The following RUFY3 variants were observed in gnomAD, a reference collection of about 807,000 sequenced individuals.
RUFY3 encodes the protein RUN and FYVE domain containing 3.
In RUFY3, 34 loss-of-function variants were observed where a neutral mutation model predicts 84.0. The ratio of observed to expected loss-of-function variants is 0.40; its 90% CI spans 0.31 to 0.54. RUFY3 has a LOEUF of 0.54. RUFY3 is among the 20% of genes least tolerant of loss of function. The probability of loss-of-function intolerance (pLI) is 0.39; values close to 1 mark genes in which losing one functional copy is unlikely to be tolerated. For synonymous variants in RUFY3, 242 were observed against 252.9 expected, an observed-to-expected ratio of 0.96 and a Z score of 0.41; for missense variants, 507 against 736.8, an observed-to-expected ratio of 0.69 and a Z score of 3.61.
At chr4:70,705,116 G>C (rs1053656747) in exon 1 of RUFY3, 1 of 1,428,870 alleles carries the variant, frequency 7.0e-7, no homozygotes, top group Admixed American at 2.7e-5. Context: ...CCGACTCGCC[G>C]GTGGCCGCCC....
At chr4:70,712,611 A>G (rs1022722780) in intron 1 of RUFY3, among the ~76,000 whole-genome samples, 2 of 152,234 alleles carry the variant, frequency 1.3e-5, no homozygotes, top group Non-Finnish European at 2.9e-5. Context: ...GATTTTATCA[A>G]GAAGCTAAGA....
rs1195815799 is a variant in RUFY3 at position 70,807,974 on chromosome 4, T to C, written c.*1315T>C. ...GGGGGATTGGTTCCAGGAACCCAAC[T>C]TGATATCAGAATCCATGGGTGCTCA... is the stretch of plus-strand genomic sequence containing the variant. On this transcript the variant is annotated 3_prime_UTR_variant, in exon 18 of 18. Transcript: ENST00000381006. Among the ~76,000 whole-genome samples, 3 of 152,160 alleles carry C rather than the reference T, an allele frequency of 2.0e-5. No individual in the cohort carries two copies. In the East Asian group the frequency reaches 5.8e-4, roughly 29 times the overall value.
chr4:70,705,283 G>A lies in RUFY3; in HGVS notation c.347G>A (p.Ser116Asn), dbSNP rs891425722. Residue 116 changes from serine to asparagine, a missense_variant, in exon 1 of 12, where the codon AGC (serine) becomes AAC (asparagine). Coordinates refer to the RUFY3 transcript ENST00000417478. ...AGCGGCGGCGGCGGCAGCAGCGGCA[G>A]CGGCAAGCACCGTGAGTGGCGGAGG... The A allele has an allele frequency of 3.5e-6, 5 of 1,429,108 alleles. No homozygotes were observed. In the African/African-American group the frequency reaches 5.9e-5, roughly 17 times the overall value. The allele number at this position is 1,429,108 out of a possible 1,614,324, so 88.5% of individuals were successfully genotyped here. A position where few individuals can be genotyped will look rare whatever the true frequency, so the allele number is the denominator to read the frequency against.
chr4:70,784,850 C>T lies in RUFY3; in HGVS notation c.1042C>T (p.His348Tyr). 1 of 1,606,476 alleles carries T rather than the reference C, an allele frequency of 6.2e-7. No individual in the cohort carries two copies. Among genetic ancestry groups the T allele is most frequent in the East Asian group, 2.3e-5 (1 of 44,410 alleles). Reference protein sequence around the residue: ...EGQALSEARKHLKEETQLRLD... With the variant: ...EGQALSEARKYLKEETQLRLD... ...GCAAGCACTAAGTGAAGCAAGAAAG[C>T]ATTTAAAAGAAGAGACACAATTACG... The change falls in exon 10 of 18, where the codon CAT becomes TAT. Residue 348 changes from histidine to tyrosine, a missense_variant. His to Tyr is a moderately conservative substitution (Grantham distance 83). This residue lies in a region of RUFY3 where 334 missense variants were observed against 364.1 expected (regional missense o/e 0.92). Transcript: ENST00000381006.
At chr4:70,771,188 C>T (rs1040585534) in intron 5 of RUFY3, among the ~76,000 whole-genome samples, 1 of 152,022 alleles carries the variant, frequency 6.6e-6, no homozygotes, top group South Asian at 2.1e-4. Flanking sequence ...AGACATGAAG[C>T]GAGCACATGC....
At chr4:70,723,427 G>T (rs1717696625) in intron 1 of RUFY3, among the ~76,000 whole-genome samples, 1 of 152,050 alleles carries the variant, frequency 6.6e-6, no homozygotes, top group African/African-American at 2.4e-5. Flanking sequence ...GAATCTATTG[G>T]CCATTGCTTT....
chr4:70,770,162 A>G (rs541760424), intron 5 of RUFY3, among the ~76,000 whole-genome samples: 4 of 152,302 alleles, frequency 2.6e-5, no homozygotes, highest in Admixed American at 6.5e-5. Context: ...TAGATTTAGC[A>G]TCATTCTTAA....
chr4:70,705,243 C>T (rs1740138753), exon 1 of RUFY3: 1 of 1,456,260 alleles, frequency 6.9e-7, no homozygotes, highest in Non-Finnish European at 9.0e-7. Flanking sequence ...GCCCTTCCTG[C>T]TGCTGAGCTA....
Position 70,774,918 on chromosome 4 carries a change from A to C in RUFY3, c.759-250A>C, listed in dbSNP as rs1037600999. 5.3e-5 allele frequency among the ~76,000 whole-genome samples: 8 copies of C among 151,890 alleles called. No homozygotes were observed. In the East Asian group the frequency reaches 1.5e-3, roughly 29 times the overall value. The stretch of plus-strand genomic sequence containing the variant: ...ATTGCAACATCATACCTGTGACCTA[A>C]ATTATTAATACTGAGGTTTGTAAGC... On this transcript the variant is annotated intron_variant, in intron 6 of 17. Transcript: ENST00000381006.
intron 14 of RUFY3, among the ~76,000 whole-genome samples, chr4:70,797,217 A>C (rs577147865): frequency 3.9e-5 from 6 of 152,084 alleles, no homozygotes; most frequent in African/African-American, 1.4e-4. Flanking sequence ...TGCTAGGATG[A>C]CAGGCATGAG....
rs1742372102 is a variant in RUFY3, at chr4:70,722,142, A to G, written c.-432A>G. The G allele has an allele frequency of 8.1e-7, 1 of 1,230,402 alleles. No homozygotes were observed. The highest frequency in any genetic ancestry group is 4.2e-5 in the Admixed American group (1 of 23,540). The allele number at this position is 1,230,402 out of a possible 1,614,324, so 76.2% of individuals were successfully genotyped here. A position where few individuals can be genotyped will look rare whatever the true frequency, so the allele number is the denominator to read the frequency against. Reference sequence around the variant, plus strand: ...TTTTTTGTTCAGGTTTTTCTTTTATATTTTTTTTCTGCACAAAGGAGGAGG... The same window carrying G: ...TTTTTTGTTCAGGTTTTTCTTTTATGTTTTTTTTCTGCACAAAGGAGGAGG... On this transcript the variant is annotated 5_prime_UTR_variant, in exon 1 of 18. The change creates a new upstream start codon in the 5' untranslated region. Coordinates refer to ENST00000381006, the MANE Select transcript of RUFY3 (RefSeq NM_001037442.4).
At chr4:70,784,452 C>T (rs1729455246) in intron 9 of RUFY3, among the ~76,000 whole-genome samples, 1 of 151,548 alleles carries the variant, frequency 6.6e-6, no homozygotes, top group African/African-American at 2.4e-5. Context: ...CACTGCAGTC[C>T]AGCCTGGGCG....
chr4:70,723,594 A>G (rs949157879), intron 1 of RUFY3, among the ~76,000 whole-genome samples: 2 of 152,116 alleles, frequency 1.3e-5, no homozygotes, highest in Non-Finnish European at 2.9e-5. Flanking sequence ...TCTTAATACC[A>G]CAGAAAGAGA....
chr4:70,792,360 T>A (rs1730958430), intron 12 of RUFY3: 1 of 963,586 alleles, frequency 1.0e-6, no homozygotes, highest in Admixed American at 6.2e-5. Context: ...AAGTAAATGA[T>A]AAACTTATAT....
intron 17 of RUFY3, 126 bp from the exon 18 acceptor site, chr4:70,806,390 A>G: frequency 9.2e-7 from 1 of 1,083,578 alleles, no homozygotes; most frequent in East Asian, 2.4e-5. Flanking sequence ...ACTACCTGGC[A>G]CATAGTAAAC....
chr4:70,718,803 C>T (rs1398149778), upstream of RUFY3, among the ~76,000 whole-genome samples: 2 of 152,050 alleles, frequency 1.3e-5, no homozygotes, highest in African/African-American at 2.4e-5. Context: ...CTGCAACCCC[C>T]GCCTCCCAGG....
chr4:70,722,015 A>G lies in RUFY3; in HGVS notation c.-559A>G, dbSNP rs1742359590. The stretch of plus-strand genomic sequence containing the variant: ...ACACCCTGCTTACTGCGCACGGCCA[A>G]TCCTATGAGAACTCAGCATCCCAGC... On this transcript the variant is annotated 5_prime_UTR_variant, in exon 1 of 18. Transcript: ENST00000381006. 3 of 1,232,132 alleles carry G rather than the reference A, an allele frequency of 2.4e-6. No individual in the cohort carries two copies. Among genetic ancestry groups the G allele is most frequent in the East Asian group, 6.3e-5 (2 of 31,702 alleles). 76.3% of individuals were successfully genotyped at this position (1,232,132 alleles called of 1,614,324 possible). A position where few individuals can be genotyped will look rare whatever the true frequency, so the allele number is the denominator to read the frequency against.
intron 5 of RUFY3, among the ~76,000 whole-genome samples, chr4:70,771,997 T>TGAG (rs1176687144): frequency 6.6e-6 from 1 of 151,562 alleles, no homozygotes; most frequent in African/African-American, 2.4e-5. Context: ...ACCAGATTGA[T>TGAG]GAGGAGGAGG....
At chr4:70,802,116 C>G (rs920411500) in intron 15 of RUFY3, among the ~76,000 whole-genome samples, 1 of 152,190 alleles carries the variant, frequency 6.6e-6, no homozygotes, top group African/African-American at 2.4e-5. Flanking sequence ...GGTGACTTAT[C>G]CAAGTTGCCT....
Sources: gnomAD v4.1 joint callset for allele counts (sites outside exome capture counted in the v4.1 genomes callset) on GRCh38, gnomAD v4.1.1 for gene constraint, gnomAD v4.1.1 regional missense constraint, MANE v1.5 for transcripts, NCBI Gene and HGNC (gene_info 2026-07-23, HGNC 2026-07-21) for gene names.